PRDM1: variants seen among roughly 807,000 people sequenced by gnomAD.
The protein encoded by PRDM1 is PR domain zinc finger protein 1.
Under a neutral mutation model 62.8 loss-of-function variants are expected in PRDM1, and 13 were observed. The observed-to-expected ratio is 0.21, with a 90% CI of 0.13 to 0.33. The LOEUF is 0.33. Among genes scored for constraint, PRDM1 ranks in the 10% least tolerant of loss-of-function variants. The probability of loss-of-function intolerance (pLI) is 1.00; values close to 1 mark genes in which losing one functional copy is unlikely to be tolerated. For synonymous variants in PRDM1, 396 were observed against 417.6 expected (o/e 0.95, Z 0.63); for missense variants, 895 against 1,058.8 (o/e 0.85, Z 2.15).
chr6:106,010,405 C>T (rs1772531646), intron 1 of PRDM1, among the ~76,000 whole-genome samples: 1 of 152,054 alleles, frequency 6.6e-6, no homozygotes. Context: ...GGAGGTGAAT[C>T]AGCTCAACTT....
chr6:106,030,381 C>T (rs1772825072), intron 1 of PRDM1, among the ~76,000 whole-genome samples: 1 of 152,058 alleles, frequency 6.6e-6, no homozygotes, highest in Non-Finnish European at 1.5e-5. Context: ...TTATATTGCC[C>T]AGGCTGGTCT....
chr6:106,034,862 C>T (rs984366887), intron 1 of PRDM1, among the ~76,000 whole-genome samples: 1 of 151,962 alleles, frequency 6.6e-6, no homozygotes, highest in African/African-American at 2.4e-5. Context: ...GAACTCCTGA[C>T]CTCAGGTGAT....
Position 106,108,581 on chromosome 6 carries a change from G to A in PRDM1, c.*1095G>A, listed in dbSNP as rs1321833214. 3 of 221,502 alleles carry A rather than the reference G, an allele frequency of 1.4e-5. No homozygotes were observed. Among genetic ancestry groups the A allele is most frequent in the African/African-American group, 2.4e-5 (1 of 41,652 alleles). 13.7% of individuals were successfully genotyped at this position (221,502 alleles called of 1,614,324 possible). A position where few individuals can be genotyped will look rare whatever the true frequency, so the allele number is the denominator to read the frequency against. The stretch of plus-strand genomic sequence containing the variant: ...CACAAACATGGTGCTCTACCAGGAA[G>A]GATTCGAGGTAGATAGGCTCAGGCC... On this transcript the variant is annotated 3_prime_UTR_variant, in exon 7 of 7. Coordinates refer to ENST00000369096, the MANE Select transcript of PRDM1 (RefSeq NM_001198.4).
intron 1 of PRDM1, among the ~76,000 whole-genome samples, chr6:106,026,509 A>AT (rs1234965738): frequency 6.6e-5 from 10 of 151,892 alleles, no homozygotes; most frequent in African/African-American, 1.7e-4. Context: ...AATAATAATA[A>AT]AATAAAATAA....
intron 1 of PRDM1, among the ~76,000 whole-genome samples, chr6:106,003,883 C>T (rs899646336): frequency 6.6e-6 from 1 of 152,154 alleles, no homozygotes; most frequent in African/African-American, 2.4e-5. Flanking sequence ...AGTATTGTTG[C>T]TTTAATTGCA....
intron 2 of PRDM1, among the ~76,000 whole-genome samples, chr6:106,094,939 C>T (rs552898883): frequency 6.7e-6 from 1 of 149,810 alleles, no homozygotes; most frequent in Admixed American, 6.7e-5. Context: ...ACACGAGGGC[C>T]TTTGACCACT....
At chr6:105,996,026 T>C (rs1314224658) in intron 1 of PRDM1, among the ~76,000 whole-genome samples, 6 of 152,234 alleles carry the variant, frequency 3.9e-5, no homozygotes, top group Non-Finnish European at 8.8e-5. Context: ...TTTTTCAAAC[T>C]TGATTTCTTT....
intron 1 of PRDM1, among the ~76,000 whole-genome samples, chr6:106,012,045 C>A (rs1772556662): frequency 6.8e-6 from 1 of 147,146 alleles, no homozygotes; most frequent in Non-Finnish European, 1.5e-5. Context: ...CACACCACAC[C>A]CCTCCACATT....
At chr6:106,030,338 A>G (rs193011357) in intron 1 of PRDM1, among the ~76,000 whole-genome samples, 2 of 151,346 alleles carry the variant, frequency 1.3e-5, no homozygotes, top group Non-Finnish European at 2.9e-5. Flanking sequence ...ATTACGAAAG[A>G]TTTTCTTTTG....
Position 106,086,499 on chromosome 6 carries a change from G to A in PRDM1, c.-55G>A, listed in dbSNP as rs770960868. ...GTGCGCGTCTGTGCGGCTCAGCCTG[G>A]CGGGGGACGCGGGGAGAATGTGGAC... On this transcript the variant is annotated 5_prime_UTR_variant, in exon 1 of 7. Transcript: ENST00000369096. 1.4e-4 allele frequency: 214 copies of A among 1,515,438 alleles called. No individual in the cohort carries two copies. Among genetic ancestry groups the A allele is most frequent in the Non-Finnish European group, 1.6e-4 (182 of 1,117,020 alleles). The allele number at this position is 1,515,438 out of a possible 1,614,324, so 93.9% of individuals were successfully genotyped here. A position where few individuals can be genotyped will look rare whatever the true frequency, so the allele number is the denominator to read the frequency against.
intron 1 of PRDM1, among the ~76,000 whole-genome samples, chr6:106,067,897 A>T (rs1483419232): frequency 1.3e-5 from 2 of 152,176 alleles, no homozygotes; most frequent in Admixed American, 6.5e-5. Context: ...AAACCACAAT[A>T]AAAAAATGTA....
chr6:106,090,242 C>G (rs1213076308), intron 2 of PRDM1, among the ~76,000 whole-genome samples: 1 of 152,116 alleles, frequency 6.6e-6, no homozygotes, highest in Non-Finnish European at 1.5e-5. Context: ...AATCCTTAAG[C>G]TATTTTGTGT....
chr6:106,050,662 C>T (rs1221828850), intron 1 of PRDM1, among the ~76,000 whole-genome samples: 1 of 152,214 alleles, frequency 6.6e-6, no homozygotes, highest in African/African-American at 2.4e-5. Context: ...CCACAGAAGG[C>T]TGTTTGGGGA....
Position 106,105,570 on chromosome 6 carries a change from G to A in PRDM1, c.1410G>A (p.Leu470=), listed in dbSNP as rs2114656109. Residue 470 remains leucine (L), a synonymous_variant, in exon 5 of 7, where the codon CTG becomes CTA. Coordinates refer to ENST00000369096, the MANE Select transcript of PRDM1 (RefSeq NM_001198.4). ...ACCCCACTTCTCTCCCGAGCTCGCT[G>A]CCCTCAGATGGAGCCCGGAGGTTGC... ...MLNPTSLPSS[L]PSDGARRLLQ... 1 of 1,612,840 alleles carries A rather than the reference G, an allele frequency of 6.2e-7. No homozygotes were observed. Among genetic ancestry groups the A allele is most frequent in the East Asian group, 2.2e-5 (1 of 44,806 alleles).
Position 106,108,503 on chromosome 6 carries a change from T to G in PRDM1, c.*1017T>G, listed in dbSNP as rs1485475262. The G allele has an allele frequency of 4.3e-6, 1 of 230,230 alleles. No homozygotes were observed. The highest frequency in any genetic ancestry group is 8.5e-6 in the Non-Finnish European group (1 of 117,432). 14.3% of individuals were successfully genotyped at this position (230,230 alleles called of 1,614,324 possible). ...GGGGGCTTGAGTCTGGGTGGTGTTT[T>G]GTTGTTGGTTTTTGTTGCTTTTTTT... On this transcript the variant is annotated 3_prime_UTR_variant, in exon 7 of 7. Coordinates refer to ENST00000369096, the MANE Select transcript of PRDM1 (RefSeq NM_001198.4).
chr6:106,088,247 C>T lies in PRDM1; in HGVS notation c.89C>T (p.Ala30Val), dbSNP rs1281131286. The change falls in exon 2 of 7, where the codon GCA becomes GTA. Residue 30 changes from alanine to valine, a missense_variant. This residue lies in a region of PRDM1 where 213 missense variants were observed against 283.9 expected (regional missense o/e 0.75). Coordinates refer to ENST00000369096, the MANE Select transcript of PRDM1 (RefSeq NM_001198.4). ...AGCACTGTGAGGTTTCAGGGATTGGCAGAGGGGACCAAGGGGACCATGAAA... is the reference window on the plus strand; with the variant it reads ...AGCACTGTGAGGTTTCAGGGATTGGTAGAGGGGACCAAGGGGACCATGAAA... ...NSSTVRFQGLAEGTKGTMKMD... is the reference protein window; with the variant it reads ...NSSTVRFQGLVEGTKGTMKMD... 3 of 1,613,820 alleles carry T rather than the reference C, an allele frequency of 1.9e-6. No homozygotes were observed. Among genetic ancestry groups the T allele is most frequent in the South Asian group, 1.1e-5 (1 of 91,068 alleles).
At chr6:106,065,961 T>G (rs575877017) in intron 1 of PRDM1, among the ~76,000 whole-genome samples, 1 of 152,370 alleles carries the variant, frequency 6.6e-6, no homozygotes, top group South Asian at 2.1e-4. Context: ...AATTTAAGTC[T>G]ATTGTATTAA....
chr6:106,020,845 C>T (rs975535887), intron 1 of PRDM1, among the ~76,000 whole-genome samples: 6 of 152,196 alleles, frequency 3.9e-5, no homozygotes, highest in African/African-American at 1.2e-4. Context: ...TCCCTTCACA[C>T]CTAAATCTCA....
chr6:106,030,031 C>G (rs1210976274), intron 1 of PRDM1, among the ~76,000 whole-genome samples: 1 of 152,192 alleles, frequency 6.6e-6, no homozygotes, highest in Non-Finnish European at 1.5e-5. Context: ...TACTATTTTG[C>G]ACATTTAGAA....
Sources: gnomAD v4.1 joint callset for allele counts (sites outside exome capture counted in the v4.1 genomes callset) on GRCh38, gnomAD v4.1.1 for gene constraint, gnomAD v4.1.1 regional missense constraint, MANE v1.5 for transcripts, NCBI Gene and HGNC (gene_info 2026-07-23, HGNC 2026-07-21) for gene names.